The following DYSF variants were observed in gnomAD, a reference collection of about 807,000 sequenced individuals.
DYSF encodes dystrophy-associated fer-1-like 1.
A neutral mutation model predicts 274.9 loss-of-function variants in DYSF; 212 were observed. That is an observed-to-expected ratio of 0.77 (90% CI 0.69 to 0.86). The LOEUF (loss-of-function observed/expected upper bound fraction) is 0.86, where lower values mean the gene tolerates loss of function less well. DYSF is among the 40% of genes least tolerant of loss of function. The pLI, the probability that DYSF is intolerant of heterozygous loss-of-function variation, is 0.00. For missense variants in DYSF, 2,666 were observed against 2,783.2 expected, an observed-to-expected ratio of 0.96 and a Z score of 0.95; for synonymous variants, 1,091 against 1,078.7, an observed-to-expected ratio of 1.01 and a Z score of -0.22.
chr2:71,618,087 A>G lies in DYSF; in HGVS notation c.4465-2460A>G, dbSNP rs1276777857. Among the ~76,000 whole-genome samples, 139 of 14,670 alleles carry G rather than the reference A, an allele frequency of 9.5e-3. 1 individual carries two copies. The highest frequency in any genetic ancestry group is 0.016 in the African/African-American group (70 of 4,482). The allele number at this position is 14,670 out of a possible 152,430, so 9.6% of individuals were successfully genotyped here. ...GAGATGGGGTGTGTGTGTGGTAGAG[A>G]TGGGGTGTGTGTGTGGTAGAGGTGG... On this transcript the variant is annotated intron_variant, in intron 40 of 55. Transcript: ENST00000410020.
At chr2:71,651,725 CTA>C (rs1490286503) in intron 42 of DYSF, among the ~76,000 whole-genome samples, 1 of 152,208 alleles carries the variant, frequency 6.6e-6, no homozygotes, top group East Asian at 1.9e-4. Flanking sequence ...TAAATATCAT[CTA>C]TGACATGAAT....
chr2:71,641,201 C>T (rs1341652757), intron 41 of DYSF, among the ~76,000 whole-genome samples: 6 of 101,266 alleles, frequency 5.9e-5, no homozygotes, highest in South Asian at 5.7e-4. Flanking sequence ...TTTTTTGAGA[C>T]GGAGTCTCGC....
chr2:71,489,628 G>A (rs1377048240), intron 3 of DYSF, among the ~76,000 whole-genome samples: 1 of 152,208 alleles, frequency 6.6e-6, no homozygotes, highest in Admixed American at 6.5e-5. Context: ...GTTCTTCAGG[G>A]TAGCCATGCA....
chr2:71,540,076 T>C (rs1442045800), intron 17 of DYSF, among the ~76,000 whole-genome samples: 4 of 152,068 alleles, frequency 2.6e-5, no homozygotes. Flanking sequence ...ATACCTAAAA[T>C]TGGAATTGCT....
chr2:71,486,931 G>C (rs4241247), intron 3 of DYSF, among the ~76,000 whole-genome samples: 125,590 of 152,204 alleles, frequency 0.83, 52,118 homozygotes, highest in African/African-American at 0.89. Context: ...GTTTTGACCC[G>C]TGGGATGTTC....
intron 52 of DYSF, among the ~76,000 whole-genome samples, chr2:71,675,623 G>C (rs2095208304): frequency 6.6e-6 from 1 of 152,170 alleles, no homozygotes; most frequent in Admixed American, 6.5e-5. Flanking sequence ...GGTGCAAAAA[G>C]CGTGGCACCA....
At chr2:71,475,191 T>C (rs529300598) in intron 1 of DYSF, among the ~76,000 whole-genome samples, 144 of 152,228 alleles carry the variant, frequency 9.5e-4, no homozygotes, top group Non-Finnish European at 1.7e-3. Context: ...ACATGGCGCC[T>C]CCTTTCTTCC....
rs1017029317 is a variant in DYSF, at chr2:71,601,645, G to A, written c.3927+117G>A. 4.3e-5 allele frequency: 61 copies of A among 1,405,110 alleles called. No homozygotes were observed. The African/African-American group carries it at 4.4e-4, about 10-fold the overall frequency. The allele number at this position is 1,405,110 out of a possible 1,614,324, so 87.0% of individuals were successfully genotyped here. On this transcript the variant is annotated intron_variant, in intron 35 of 55. Transcript: ENST00000410020. ...TACCGCGATCCTGCCTCAAGCCCCC[G>A]GGGAAGCTCTTTCAAGCAGAGGAGG...
Position 71,668,789 on chromosome 2 carries a change from G to A in DYSF, c.5493G>A (p.Lys1831=). Residue 1831 remains lysine, a synonymous_variant, in exon 49 of 56, where the codon AAG becomes AAA. Transcript: ENST00000410020. ...KLQMWVDLFP[K]ALGRPGPPFN... ...AGATGTGGGTCGACCTATTTCCGAA[G>A]GCCCTGGGGCGGCCTGGACCTCCCT... is the stretch of plus-strand genomic sequence containing the variant. The A allele has an allele frequency of 6.2e-7, 1 of 1,613,972 alleles. No homozygotes were observed.
At chr2:71,526,826 C>A (rs2087975143) in intron 13 of DYSF, among the ~76,000 whole-genome samples, 1 of 152,250 alleles carries the variant, frequency 6.6e-6, no homozygotes, top group Admixed American at 6.5e-5. Context: ...AGGTGACCCA[C>A]CATCCTAGCT....
intron 1 of DYSF, among the ~76,000 whole-genome samples, chr2:71,467,486 C>G (rs542281604): frequency 6.6e-6 from 1 of 152,130 alleles, no homozygotes; most frequent in Admixed American, 6.5e-5. Context: ...GATATTTTCT[C>G]TAAATTCAAG....
chr2:71,549,424 G>T lies in DYSF; in HGVS notation c.1577-1617G>T, dbSNP rs770464766. On this transcript the variant is annotated intron_variant, in intron 17 of 55. Coordinates refer to ENST00000410020, the MANE Select transcript of DYSF (RefSeq NM_001130987.2). ...GCTGTCACCTTGGGGACAACCAGGG[G>T]AGTGGGGCCTTGGGTTTTGGCTAGA... 8.7e-6 allele frequency: 14 copies of T among 1,606,632 alleles called. No homozygotes were observed. The Admixed American group carries it at 2.4e-4, about 27-fold the overall frequency.
At chr2:71,559,212 C>G (rs2091551839) in intron 22 of DYSF, among the ~76,000 whole-genome samples, 1 of 152,198 alleles carries the variant, frequency 6.6e-6, no homozygotes, top group African/African-American at 2.4e-5. Flanking sequence ...GGATGTCCCA[C>G]CAGCACCTCC....
intron 52 of DYSF, among the ~76,000 whole-genome samples, chr2:71,676,984 G>A (rs532462495): frequency 1.9e-4 from 29 of 151,766 alleles, no homozygotes; most frequent in Non-Finnish European, 3.4e-4. Flanking sequence ...TAATATATTG[G>A]CACCATATTT....
intron 19 of DYSF, among the ~76,000 whole-genome samples, chr2:71,552,189 C>A (rs2090997678): frequency 6.6e-6 from 1 of 152,076 alleles, no homozygotes; most frequent in Admixed American, 6.5e-5. Context: ...AGAGCTGGGC[C>A]TTGTGTCCAG....
chr2:71,654,082 C>T (rs958308607), intron 42 of DYSF, among the ~76,000 whole-genome samples: 1 of 152,124 alleles, frequency 6.6e-6, no homozygotes, highest in East Asian at 1.9e-4. Flanking sequence ...CAAACACCAA[C>T]AGATGGAAAA....
intron 36 of DYSF, among the ~76,000 whole-genome samples, chr2:71,609,248 C>T (rs1404622788): frequency 1.3e-5 from 2 of 152,224 alleles, no homozygotes; most frequent in Non-Finnish European, 2.9e-5. Context: ...ACTGCAGCAG[C>T]CCTGTCCATC....
At chr2:71,559,849 T>G (rs1407778778) in intron 22 of DYSF, among the ~76,000 whole-genome samples, 1 of 152,182 alleles carries the variant, frequency 6.6e-6, no homozygotes, top group African/African-American at 2.4e-5. Flanking sequence ...GGAGGCAGCA[T>G]CCAGTCCAAG....
intron 22 of DYSF, among the ~76,000 whole-genome samples, chr2:71,560,784 T>G (rs909764029): frequency 2.7e-5 from 4 of 146,124 alleles, no homozygotes; most frequent in African/African-American, 7.7e-5. Flanking sequence ...GGAGGGGAGG[T>G]GGGGGGTGCT....
Sources: gnomAD v4.1 joint callset for allele counts (sites outside exome capture counted in the v4.1 genomes callset) on GRCh38, gnomAD v4.1.1 for gene constraint, MANE v1.5 for transcripts, NCBI Gene and HGNC (gene_info 2026-07-23, HGNC 2026-07-21) for gene names.